Variants in MAPK4 observed in about 807,000 individuals in gnomAD.
MAPK4 encodes the protein Erk3-related.
In MAPK4, 22 loss-of-function variants were observed where a neutral mutation model predicts 47.7. The observed-to-expected ratio is 0.46, with a 90% CI of 0.33 to 0.66. MAPK4 has a LOEUF of 0.66. Ranked by LOEUF, MAPK4 falls within the 30% of genes least tolerant of loss-of-function variation. The pLI, the probability that MAPK4 is intolerant of heterozygous loss-of-function variation, is 0.02. For synonymous variants in MAPK4, 390 were observed against 365.7 expected (o/e 1.07, Z -0.76); for missense variants, 736 against 831.7 (o/e 0.88, Z 1.42).
chr18:50,721,540 C>T (rs1451570997), intron 3 of MAPK4, among the ~76,000 whole-genome samples: 3 of 152,166 alleles, frequency 2.0e-5, no homozygotes, highest in African/African-American at 7.2e-5. Flanking sequence ...ATGGCTCATT[C>T]CCAGCCTTAA....
chr18:50,620,501 A>C (rs549527837), intron 1 of MAPK4, among the ~76,000 whole-genome samples: 6 of 152,336 alleles, frequency 3.9e-5, no homozygotes, highest in Middle Eastern at 3.4e-3. Flanking sequence ...TATGCATGAG[A>C]TCACTCTGGC....
chr18:50,611,940 C>G (rs1402843581), intron 1 of MAPK4, among the ~76,000 whole-genome samples: 1 of 152,080 alleles, frequency 6.6e-6, no homozygotes, highest in African/African-American at 2.4e-5. Context: ...CTTTAAAGAT[C>G]GAAGTATGAG....
intron 2 of MAPK4, among the ~76,000 whole-genome samples, chr18:50,688,183 G>A (rs1908997873): frequency 6.6e-6 from 1 of 152,158 alleles, no homozygotes; most frequent in Admixed American, 6.5e-5. Context: ...GAAATGAAAT[G>A]GAGATTGCAA....
chr18:50,647,346 G>A (rs1323176559), intron 1 of MAPK4, among the ~76,000 whole-genome samples: 1 of 152,182 alleles, frequency 6.6e-6, no homozygotes, highest in Non-Finnish European at 1.5e-5. Flanking sequence ...TGCTCCTGAG[G>A]GAGGGAAGTT....
Position 50,709,292 on chromosome 18 carries a change from G to A in MAPK4, c.547-5787G>A, listed in dbSNP as rs1056332508. On this transcript the variant is annotated intron_variant, in intron 2 of 5. Coordinates refer to ENST00000400384, the MANE Select transcript of MAPK4 (RefSeq NM_002747.4). ...CTTCTTCCAAGGAAGTGCAGTGCCAGGGGCCTTCCTGAGGCCTTCCTGAGT... is the reference window on the plus strand; with the variant it reads ...CTTCTTCCAAGGAAGTGCAGTGCCAAGGGCCTTCCTGAGGCCTTCCTGAGT... Among the ~76,000 whole-genome samples the A allele has an allele frequency of 3.9e-5, 6 of 152,294 alleles. No individual in the cohort carries two copies. The East Asian group carries it at 1.2e-3, about 29-fold the overall frequency.
In MAPK4 at chr18:50,729,662, C is replaced by T; in HGVS notation, c.1572C>T (p.Gly524=). The T allele has an allele frequency of 6.6e-7, 1 of 1,523,190 alleles. No homozygotes were observed. Among genetic ancestry groups the T allele is most frequent in the South Asian group, 1.3e-5 (1 of 79,864 alleles). 94.4% of individuals were successfully genotyped at this position (1,523,190 alleles called of 1,614,324 possible). ...GCCGCTTGTCTGCCTCGCCCCCCGGCCGCCCGGCCCCGGTGGACGGCGGCG... is the reference window on the plus strand; with the variant it reads ...GCCGCTTGTCTGCCTCGCCCCCCGGTCGCCCGGCCCCGGTGGACGGCGGCG... ...PERRLSASPP[G]RPAPVDGGAS... The change falls in exon 6 of 6, where the codon GGC becomes GGT. Residue 524 remains glycine (G), a synonymous_variant. Transcript: ENST00000400384.
At chr18:50,667,174 GCT>G (rs1907652175) in intron 2 of MAPK4, among the ~76,000 whole-genome samples, 1 of 152,106 alleles carries the variant, frequency 6.6e-6, no homozygotes, top group African/African-American at 2.4e-5. Flanking sequence ...ATCACTCTCT[GCT>G]CTGTCCTAGG....
chr18:50,697,576 C>G (rs980336618), intron 2 of MAPK4, among the ~76,000 whole-genome samples: 7 of 152,164 alleles, frequency 4.6e-5, no homozygotes, highest in African/African-American at 1.7e-4. Flanking sequence ...TGACTGAAAT[C>G]ACTATAACAT....
intron 1 of MAPK4, among the ~76,000 whole-genome samples, chr18:50,660,626 CAT>C (rs972734458): frequency 1.3e-5 from 2 of 152,182 alleles, no homozygotes; most frequent in Non-Finnish European, 2.9e-5. Context: ...ACAGCGTACA[CAT>C]GAGTGCCACA....
At chr18:50,699,360 T>C (rs1465320476) in intron 2 of MAPK4, among the ~76,000 whole-genome samples, 5 of 152,236 alleles carry the variant, frequency 3.3e-5, no homozygotes, top group Non-Finnish European at 7.3e-5. Flanking sequence ...TATTTCTCAG[T>C]ACATCATTGC....
At chr18:50,665,879 G>A (rs747105174) in intron 2 of MAPK4, among the ~76,000 whole-genome samples, 7 of 152,234 alleles carry the variant, frequency 4.6e-5, no homozygotes, top group Middle Eastern at 3.2e-3. Flanking sequence ...GGGGCCTGGG[G>A]AGGCAGGGAG....
chr18:50,586,971 A>C (rs1056207089), intron 1 of MAPK4, among the ~76,000 whole-genome samples: 1 of 152,206 alleles, frequency 6.6e-6, no homozygotes, highest in Non-Finnish European at 1.5e-5. Flanking sequence ...TAAGGTTTCA[A>C]TCTGAGAAAA....
Position 50,625,873 on chromosome 18 carries a change from T to C in MAPK4, c.-870-37216T>C, listed in dbSNP as rs113754513. 6.4e-3 allele frequency among the ~76,000 whole-genome samples: 938 copies of C among 146,554 alleles called. 14 individuals carry two copies. Among genetic ancestry groups the C allele is most frequent in the African/African-American group, 0.022 (874 of 39,254 alleles). On this transcript the variant is annotated intron_variant, in intron 1 of 5. Coordinates refer to ENST00000400384, the MANE Select transcript of MAPK4 (RefSeq NM_002747.4). The stretch of plus-strand genomic sequence containing the variant: ...GTTCTCCAGAGAAAAACCAATAGGG[T>C]GTGTGTATGCACACACACACACACA...
chr18:50,633,720 G>C (rs1211896200), intron 1 of MAPK4, among the ~76,000 whole-genome samples: 1 of 152,164 alleles, frequency 6.6e-6, no homozygotes, highest in Non-Finnish European at 1.5e-5. Context: ...ATAAAGTCCT[G>C]GAGGGCAGGG....
chr18:50,634,705 C>G (rs1484851817), intron 1 of MAPK4, among the ~76,000 whole-genome samples: 1 of 152,162 alleles, frequency 6.6e-6, no homozygotes, highest in Non-Finnish European at 1.5e-5. Flanking sequence ...CAGGGAACAA[C>G]TAGGAACCAG....
At position 50,654,768 on chromosome 18, in the gene MAPK4, G is replaced by A. The variant is rs138707055; in HGVS notation, c.-870-8321G>A. Among the ~76,000 whole-genome samples the A allele has an allele frequency of 2.5e-3, 374 of 152,316 alleles. 11 individuals carry two copies. In the East Asian group the frequency reaches 0.026, roughly 11 times the overall value. ...GGCCACCGGCTCCCAGACTTCCCAC[G>A]CAGGGACCCAGATGCTCCCCTTCCC... On this transcript the variant is annotated intron_variant, in intron 1 of 5. Transcript: ENST00000400384.
chr18:50,635,840 T>C (rs566292380), intron 1 of MAPK4, among the ~76,000 whole-genome samples: 14 of 152,222 alleles, frequency 9.2e-5, no homozygotes, highest in Admixed American at 3.3e-4. Context: ...CATGGTTCGG[T>C]CCACAAGCCT....
intron 3 of MAPK4, among the ~76,000 whole-genome samples, chr18:50,718,177 G>A (rs1369185739): frequency 1.3e-5 from 2 of 152,196 alleles, no homozygotes; most frequent in African/African-American, 4.8e-5. Flanking sequence ...GGGAACACCA[G>A]CAGGACATTA....
intron 1 of MAPK4, among the ~76,000 whole-genome samples, chr18:50,620,868 A>G (rs1212215746): frequency 6.6e-6 from 1 of 152,152 alleles, no homozygotes; most frequent in Non-Finnish European, 1.5e-5. Flanking sequence ...TTTCCCTTCC[A>G]TGTTTGGAGA....
Sources: gnomAD v4.1 joint callset for allele counts (sites outside exome capture counted in the v4.1 genomes callset) on GRCh38, gnomAD v4.1.1 for gene constraint, MANE v1.5 for transcripts, NCBI Gene and HGNC (gene_info 2026-07-23, HGNC 2026-07-21) for gene names.